The following ZNF608 variants were observed in gnomAD, a reference collection of about 807,000 sequenced individuals.
The protein encoded by ZNF608 is zinc finger protein 608, also known as renal carcinoma antigen NY-REN-36.
In ZNF608, 12 loss-of-function variants were observed where a neutral mutation model predicts 109.0. The observed-to-expected ratio is 0.11, with a 90% CI of 0.07 to 0.18. The LOEUF (loss-of-function observed/expected upper bound fraction) is 0.18. Ranked by LOEUF, ZNF608 falls within the 10% of genes least tolerant of loss-of-function variation. ZNF608 has a pLI of 1.00. For missense variants in ZNF608, 1,707 were observed against 1,879.3 expected (o/e 0.91, Z 1.70); for synonymous variants, 732 against 717.4 (o/e 1.02, Z -0.33).
intron 2 of ZNF608, among the ~76,000 whole-genome samples, chr5:124,711,469 T>G (rs144652561): frequency 0.011 from 1,663 of 152,352 alleles, 44 homozygotes; most frequent in African/African-American, 0.038. Context: ...GGGTAGATGC[T>G]TGAAGACTAT....
At chr5:124,669,080 A>G (rs1751602980) in intron 3 of ZNF608, among the ~76,000 whole-genome samples, 1 of 152,096 alleles carries the variant, frequency 6.6e-6, no homozygotes, top group Non-Finnish European at 1.5e-5. Context: ...TATTTAGTGC[A>G]CTGAGAAGAA....
chr5:124,717,450 G>A (rs1022349702), intron 2 of ZNF608, among the ~76,000 whole-genome samples: 1 of 152,170 alleles, frequency 6.6e-6, no homozygotes, highest in Non-Finnish European at 1.5e-5. Context: ...CAGCCTGGGC[G>A]ACAGAGCGAG....
chr5:124,742,376 A>C (rs1376170770), intron 2 of ZNF608, among the ~76,000 whole-genome samples: 1 of 152,220 alleles, frequency 6.6e-6, no homozygotes, highest in African/African-American at 2.4e-5. Context: ...CCAAGCAGCC[A>C]GTGAATCCAA....
At chr5:124,649,214 G>T in intron 4 of ZNF608, 81 bp from the exon 5 acceptor site, 1 of 1,226,236 alleles carries the variant, frequency 8.2e-7, no homozygotes, top group South Asian at 1.6e-5. Flanking sequence ...ATGCAGTAAA[G>T]AGGAGTCAAC....
intron 2 of ZNF608, among the ~76,000 whole-genome samples, chr5:124,732,777 C>A (rs1028071450): frequency 6.6e-6 from 1 of 152,136 alleles, no homozygotes; most frequent in Non-Finnish European, 1.5e-5. Context: ...CCCTCTTTCC[C>A]ACACACCTTT....
At chr5:124,702,111 A>G (rs1753077717) in intron 2 of ZNF608, among the ~76,000 whole-genome samples, 1 of 152,250 alleles carries the variant, frequency 6.6e-6, no homozygotes, top group South Asian at 2.1e-4. Flanking sequence ...AGAGTTCTTC[A>G]TCACAAAAAG....
chr5:124,746,141 AAAAT>A (rs1749632635), intron 1 of ZNF608, 50 bp downstream of exon 1: 1 of 985,300 alleles, frequency 1.0e-6, no homozygotes, highest in Non-Finnish European at 1.2e-6. Context: ...TGTCAAGAAA[AAAAT>A]AAATAAATAT....
In ZNF608 at chr5:124,641,296, C is replaced by T; in HGVS notation, c.4406G>A (p.Gly1469Asp). Residue 1469 changes from glycine to aspartate, a missense_variant, in exon 8 of 10, where the codon GGC (glycine) becomes GAC (aspartate). Around this residue, in one of 7 missense-constraint regions of ZNF608, gnomAD observed 1,073 missense variants for 1,133.5 expected, o/e 0.95. Transcript: ENST00000513986. ...HLHTHHHTHV[G>D]MGYPLIPGQY... ...ACCCGGGATTAGCGGGTAACCCATGCCAACGTGGGTGTGGTGGTGCGTGTG... is the reference window on the plus strand; with the variant it reads ...ACCCGGGATTAGCGGGTAACCCATGTCAACGTGGGTGTGGTGGTGCGTGTG... 1 of 1,613,890 alleles carries T rather than the reference C, an allele frequency of 6.2e-7. No homozygotes were observed. Among genetic ancestry groups the T allele is most frequent in the Non-Finnish European group, 8.5e-7 (1 of 1,180,018 alleles).
At chr5:124,740,511 G>GA (rs5871103) in intron 2 of ZNF608, among the ~76,000 whole-genome samples, 116,289 of 144,104 alleles carry the variant, frequency 0.81, 46,699 homozygotes, top group East Asian at 0.89. Flanking sequence ...CACTATATTT[G>GA]AAAAAAAAAA....
intron 3 of ZNF608, among the ~76,000 whole-genome samples, chr5:124,685,549 T>G (rs1752375877): frequency 6.6e-6 from 1 of 151,808 alleles, no homozygotes; most frequent in Non-Finnish European, 1.5e-5. Context: ...TGCATCTCCC[T>G]TGGGTAAAGT....
At position 124,647,974 on chromosome 5, in the gene ZNF608, C is replaced by G; in HGVS notation, c.2410G>C (p.Ala804Pro). The G allele has an allele frequency of 6.2e-7, 1 of 1,614,216 alleles. No homozygotes were observed. Among genetic ancestry groups the G allele is most frequent in the South Asian group, 1.1e-5 (1 of 91,084 alleles). Residue 804 changes from alanine (A) to proline (P), a missense_variant, in exon 5 of 10, where the codon GCT (alanine) becomes CCT (proline). Coordinates refer to ENST00000513986, the MANE Select transcript of ZNF608 (RefSeq NM_020747.3). ...TTTTTGTCTTTGAGTGACACCAGAG[C>G]TGGGTTCACGGTGATGGGCTCTCCC... is the stretch of plus-strand genomic sequence containing the variant. Reference protein sequence around the residue: ...IMGEPITVNPALVSLKDKKKK... With the variant: ...IMGEPITVNPPLVSLKDKKKK...
chr5:124,714,949 AT>A (rs1431174664), intron 2 of ZNF608, among the ~76,000 whole-genome samples: 1 of 152,186 alleles, frequency 6.6e-6, no homozygotes, highest in East Asian at 1.9e-4. Context: ...GGTAACAGTG[AT>A]TTTTCTTCTT....
chr5:124,723,256 G>T (rs767525338), intron 2 of ZNF608, among the ~76,000 whole-genome samples: 1 of 152,238 alleles, frequency 6.6e-6, no homozygotes, highest in East Asian at 1.9e-4. Context: ...TGATTCACCC[G>T]CCTCTGCCTC....
chr5:124,657,263 C>T (rs1751051226), intron 3 of ZNF608, among the ~76,000 whole-genome samples: 1 of 152,116 alleles, frequency 6.6e-6, no homozygotes, highest in South Asian at 2.1e-4. Flanking sequence ...TGGGAGGCTG[C>T]ACCGCACATA....
rs539889870 is a variant in ZNF608 at position 124,741,108 on chromosome 5, G to C, written c.906+2976C>G. Among the ~76,000 whole-genome samples, 4 of 152,234 alleles carry C rather than the reference G, an allele frequency of 2.6e-5. No homozygotes were observed. In the East Asian group the frequency reaches 7.7e-4, roughly 29 times the overall value. On this transcript the variant is annotated intron_variant, in intron 2 of 9. Coordinates refer to ENST00000513986, the MANE Select transcript of ZNF608 (RefSeq NM_020747.3). ...CACTGGTGGCTTAACCACAAAATGGGCTACAGAAATATAGCTCAAACATCT... is the reference window on the plus strand; with the variant it reads ...CACTGGTGGCTTAACCACAAAATGGCCTACAGAAATATAGCTCAAACATCT...
chr5:124,690,766 G>A (rs981835559), intron 3 of ZNF608, among the ~76,000 whole-genome samples: 1 of 151,752 alleles, frequency 6.6e-6, no homozygotes, highest in Non-Finnish European at 1.5e-5. Flanking sequence ...AGCAAAAATC[G>A]CCAAGTAACT....
intron 8 of ZNF608, among the ~76,000 whole-genome samples, chr5:124,640,512 C>T (rs1381865849): frequency 6.6e-6 from 1 of 152,192 alleles, no homozygotes; most frequent in Non-Finnish European, 1.5e-5. Context: ...GCTGGCTGTA[C>T]TGGCACCCTG....
chr5:124,746,601 T>C lies in ZNF608; in HGVS notation c.-590A>G. On this transcript the variant is annotated 5_prime_UTR_variant, in exon 1 of 10. Transcript: ENST00000513986. ...ACTTCAGAGTCACCGTGATCAGTAA[T>C]GATCCCATGTAGCAAACCTACAGGC... is the stretch of plus-strand genomic sequence containing the variant. 8 of 985,378 alleles carry C rather than the reference T, an allele frequency of 8.1e-6. No homozygotes were observed. Among genetic ancestry groups the C allele is most frequent in the Non-Finnish European group, 8.4e-6 (7 of 829,926 alleles). The allele number at this position is 985,378 out of a possible 1,614,324, so 61.0% of individuals were successfully genotyped here.
intron 2 of ZNF608, among the ~76,000 whole-genome samples, chr5:124,734,034 T>G (rs1053939700): frequency 2.0e-5 from 3 of 152,200 alleles, no homozygotes; most frequent in Non-Finnish European, 4.4e-5. Context: ...AAAAAACTCA[T>G]GCATCCATTT....
Sources: allele counts gnomAD v4.1 joint callset (sites outside exome capture counted in the v4.1 genomes callset), GRCh38; gene constraint gnomAD v4.1.1; regional missense constraint gnomAD v4.1.1; transcripts MANE v1.5; gene names NCBI Gene and HGNC (gene_info 2026-07-23, HGNC 2026-07-21).